SBF2: variants seen among roughly 807,000 people sequenced by gnomAD.
The protein encoded by SBF2 is SET binding factor 2, also known as myotubularin-related protein 13.
SBF2 carries 112 observed loss-of-function variants against 225.2 expected under a neutral mutation model. The ratio of observed to expected loss-of-function variants is 0.50; its 90% CI spans 0.43 to 0.58. SBF2 has a LOEUF of 0.58. Among genes scored for constraint, SBF2 ranks in the 20% least tolerant of loss-of-function variants. The pLI is 0.00. For missense variants in SBF2, 1,996 were observed against 2,206.2 expected (o/e 0.90, Z 1.91); for synonymous variants, 763 against 773.3 (o/e 0.99, Z 0.22).
At chr11:9,791,206 TG>T (rs1852718478) in intron 33 of SBF2, 1 of 152,386 alleles carries the variant, frequency 6.6e-6, no homozygotes, top group South Asian at 2.1e-4. Context: ...TCTGTGTCCT[TG>T]GGTGACTTAA....
At chr11:9,880,141 AG>A (rs1417466999) in intron 17 of SBF2, among the ~76,000 whole-genome samples, 15 of 148,776 alleles carry the variant, frequency 1.0e-4, no homozygotes, top group Non-Finnish European at 1.9e-4. Flanking sequence ...ATTCAAATCC[AG>A]ATCTTTCTGT....
At chr11:10,137,736 G>C (rs1017857872) in intron 2 of SBF2, among the ~76,000 whole-genome samples, 2 of 152,182 alleles carry the variant, frequency 1.3e-5, no homozygotes, top group African/African-American at 4.8e-5. Context: ...GCCGGGCGCG[G>C]TGGTTCACGT....
intron 16 of SBF2, among the ~76,000 whole-genome samples, chr11:9,929,465 A>T (rs1021350271): frequency 6.6e-5 from 10 of 152,172 alleles, no homozygotes; most frequent in African/African-American, 2.2e-4. Context: ...CAACCAAAAA[A>T]GGTCATGGTC....
intron 1 of SBF2, among the ~76,000 whole-genome samples, chr11:10,263,686 A>T (rs1961665641): frequency 6.6e-6 from 1 of 152,172 alleles, no homozygotes; most frequent in South Asian, 2.1e-4. Context: ...GCTACATTAG[A>T]GAATACTCAA....
At chr11:10,004,990 G>A (rs1397435434) in intron 6 of SBF2, among the ~76,000 whole-genome samples, 2 of 152,156 alleles carry the variant, frequency 1.3e-5, no homozygotes, top group East Asian at 1.9e-4. Context: ...AGCAGGGAAG[G>A]AGAGGATCCC....
upstream of SBF2, among the ~76,000 whole-genome samples, chr11:10,295,561 T>C (rs772343815): frequency 6.6e-6 from 1 of 150,660 alleles, no homozygotes; most frequent in African/African-American, 2.4e-5. Flanking sequence ...GGAGGGAAGA[T>C]AGTTTGATCC....
At chr11:10,156,715 G>C (rs766633032) in intron 2 of SBF2, among the ~76,000 whole-genome samples, 1 of 152,112 alleles carries the variant, frequency 6.6e-6, no homozygotes, top group Non-Finnish European at 1.5e-5. Flanking sequence ...TAACCAGAGA[G>C]GTAAAGGAGC....
At chr11:9,794,676 CAAAAAAAAAAA>C (rs575749593) in intron 33 of SBF2, among the ~76,000 whole-genome samples, 490 of 35,346 alleles carry the variant, frequency 0.014, 7 homozygotes, top group Non-Finnish European at 0.016. Context: ...GACTCCGTCT[CAAAAAAAAAAA>C]AAAAAAAAAA....
chr11:10,024,683 T>C (rs1019669908), intron 6 of SBF2, among the ~76,000 whole-genome samples: 1 of 152,070 alleles, frequency 6.6e-6, no homozygotes, highest in Non-Finnish European at 1.5e-5. Flanking sequence ...GAATTTGGGA[T>C]GCAAGCTCCA....
intron 2 of SBF2, among the ~76,000 whole-genome samples, chr11:10,174,768 C>T (rs1452762368): frequency 6.6e-6 from 1 of 152,088 alleles, no homozygotes; most frequent in African/African-American, 2.4e-5. Context: ...AGAGAAAGGT[C>T]CGGTTACCCA....
At chr11:10,128,194 A>T (rs1953852503) in intron 2 of SBF2, among the ~76,000 whole-genome samples, 1 of 152,144 alleles carries the variant, frequency 6.6e-6, no homozygotes, top group South Asian at 2.1e-4. Flanking sequence ...GATTAAACAC[A>T]CACTTGTTTG....
intron 17 of SBF2, among the ~76,000 whole-genome samples, chr11:9,868,897 A>C (rs542255810): frequency 6.6e-6 from 1 of 152,354 alleles, no homozygotes; most frequent in Admixed American, 6.5e-5. Context: ...CTCACCGGGC[A>C]CATCTGTTTG....
chr11:10,042,940 C>T lies in SBF2; in HGVS notation c.183G>A (p.Lys61=). The T allele has an allele frequency of 1.9e-6, 3 of 1,613,962 alleles. No homozygotes were observed. The highest frequency in any genetic ancestry group is 2.5e-6 in the Non-Finnish European group (3 of 1,179,876). Reference sequence around the variant, plus strand: ...GGACAACCACAAAGAACGTTGGCTGCTTCCTCTCTCTGGACAGCTGCCACC... The same window carrying T: ...GGACAACCACAAAGAACGTTGGCTGTTTCCTCTCTCTGGACAGCTGCCACC... ...PGGWQLSRER[K]QPTFFVVVLT... The change falls in exon 3 of 40, where the codon AAG becomes AAA. Residue 61 remains lysine (K), a synonymous_variant. Transcript: ENST00000256190.
chr11:9,988,879 T>C (rs1947301823), intron 13 of SBF2, among the ~76,000 whole-genome samples: 1 of 152,206 alleles, frequency 6.6e-6, no homozygotes, highest in South Asian at 2.1e-4. Context: ...AATTACCATT[T>C]GATCCAGCAA....
chr11:9,954,968 CT>C (rs1323816426), intron 16 of SBF2, among the ~76,000 whole-genome samples: 1 of 152,038 alleles, frequency 6.6e-6, no homozygotes, highest in Non-Finnish European at 1.5e-5. Context: ...AGACCTTAAT[CT>C]GTTAATTCTA....
intron 2 of SBF2, among the ~76,000 whole-genome samples, chr11:10,159,609 C>A (rs912122540): frequency 6.6e-6 from 1 of 152,188 alleles, no homozygotes; most frequent in African/African-American, 2.4e-5. Context: ...TCCTTAAAAA[C>A]TCTGCCCCCT....
intron 3 of SBF2, among the ~76,000 whole-genome samples, chr11:10,033,972 A>G (rs1949351992): frequency 6.6e-6 from 1 of 152,202 alleles, no homozygotes; most frequent in Non-Finnish European, 1.5e-5. Flanking sequence ...TATTCTAATA[A>G]TGCTAAATTT....
intron 6 of SBF2, among the ~76,000 whole-genome samples, chr11:10,012,784 C>T (rs1335375391): frequency 1.3e-5 from 2 of 149,040 alleles, no homozygotes; most frequent in East Asian, 3.9e-4. Context: ...TTCCTGAAAG[C>T]TTTTTTTTTT....
At chr11:10,228,440 A>G (rs901536263) in intron 1 of SBF2, among the ~76,000 whole-genome samples, 29 of 152,174 alleles carry the variant, frequency 1.9e-4, no homozygotes, top group African/African-American at 7.0e-4. Flanking sequence ...CCCATTCAGT[A>G]TGATATTGGC....
Sources: gnomAD v4.1 joint callset for allele counts (sites outside exome capture counted in the v4.1 genomes callset) on GRCh38, gnomAD v4.1.1 for gene constraint, MANE v1.5 for transcripts, NCBI Gene and HGNC (gene_info 2026-07-23, HGNC 2026-07-21) for gene names.